Variants in TMTC1 observed in about 807,000 individuals in gnomAD.
TMTC1 encodes the protein protein O-mannosyl-transferase TMTC1.
Under a neutral mutation model 104.8 loss-of-function variants are expected in TMTC1, and 73 were observed. That is an observed-to-expected ratio of 0.70 (90% CI 0.58 to 0.85). TMTC1 has a LOEUF of 0.85. Ranked by LOEUF, TMTC1 falls within the 40% of genes least tolerant of loss-of-function variation. TMTC1 has a pLI of 0.00. For missense variants in TMTC1, 1,035 were observed against 1,096.1 expected (o/e 0.94, Z 0.79); for synonymous variants, 434 against 428.7 (o/e 1.01, Z -0.15).
chr12:29,642,400 G>C (rs1938892968), intron 5 of TMTC1, among the ~76,000 whole-genome samples: 1 of 152,130 alleles, frequency 6.6e-6, no homozygotes. Flanking sequence ...TTTCTCAGCA[G>C]AAACCCTACA....
chr12:29,687,791 T>C (rs1941141929), intron 5 of TMTC1, among the ~76,000 whole-genome samples: 1 of 152,240 alleles, frequency 6.6e-6, no homozygotes, highest in Non-Finnish European at 1.5e-5. Context: ...ACCTCCTCGC[T>C]GTGTCCTCCC....
chr12:29,577,485 C>A (rs1945856396), intron 8 of TMTC1, among the ~76,000 whole-genome samples: 1 of 152,150 alleles, frequency 6.6e-6, no homozygotes. Flanking sequence ...CTCCTTATGG[C>A]CTAATGAGAA....
chr12:29,670,167 T>C (rs1269589927), intron 5 of TMTC1, among the ~76,000 whole-genome samples: 1 of 152,250 alleles, frequency 6.6e-6, no homozygotes, highest in African/African-American at 2.4e-5. Context: ...AATAGTACTA[T>C]AATGATATTT....
intron 1 of TMTC1, among the ~76,000 whole-genome samples, chr12:29,777,496 A>G (rs1331269691): frequency 6.6e-6 from 1 of 152,192 alleles, no homozygotes; most frequent in African/African-American, 2.4e-5. Flanking sequence ...TGGTAATAAT[A>G]GACTGCTTCG....
rs770290990 is a variant in TMTC1 at position 29,516,335 on chromosome 12, A to T, written c.2307+14T>A. 4 of 1,610,768 alleles carry T rather than the reference A, an allele frequency of 2.5e-6. No individual in the cohort carries two copies. In the South Asian group the frequency reaches 4.4e-5, roughly 18 times the overall value. ...CTATGAATCCAAAGAACTCTAAACAATGTCCTTCTTTACCTTGTCGTGGTT... is the reference window on the plus strand; with the variant it reads ...CTATGAATCCAAAGAACTCTAAACATTGTCCTTCTTTACCTTGTCGTGGTT... On this transcript the variant is annotated intron_variant, in intron 15 of 17. Transcript: ENST00000539277.
chr12:29,608,121 A>T (rs1293454074), intron 6 of TMTC1, among the ~76,000 whole-genome samples: 1 of 152,228 alleles, frequency 6.6e-6, no homozygotes, highest in East Asian at 1.9e-4. Context: ...ATATTCAAGA[A>T]CAACATACTT....
rs879602127 is a variant in TMTC1 at position 29,725,011 on chromosome 12, G to GTTTTTTTTTTTTTTTT, written c.938+26654_938+26655insAAAAAAAAAAAAAAAA. On this transcript the variant is annotated intron_variant, in intron 5 of 17. Coordinates refer to ENST00000539277, the MANE Select transcript of TMTC1 (RefSeq NM_001193451.2). ...CGTAGTTTAGCTATATATCTGCCAAGTTCTTTTTTTTTTTTTTTTTTTTTT... is the reference window on the plus strand; with the variant it reads ...CGTAGTTTAGCTATATATCTGCCAAGTTTTTTTTTTTTTTTTTTCTTTTTTTTTTTTTTTTTTTTTT... Among the ~76,000 whole-genome samples the GTTTTTTTTTTTTTTTT allele has an allele frequency of 2.2e-4, 25 of 115,752 alleles. 5 individuals are homozygous for GTTTTTTTTTTTTTTTT. Among genetic ancestry groups the GTTTTTTTTTTTTTTTT allele is most frequent in the African/African-American group, 4.0e-4 (13 of 32,318 alleles). 75.9% of individuals were successfully genotyped at this position (115,752 alleles called of 152,430 possible). A position where few individuals can be genotyped will look rare whatever the true frequency, so the allele number is the denominator to read the frequency against.
At chr12:29,510,921 C>T (rs754082433) in intron 17 of TMTC1, among the ~76,000 whole-genome samples, 3 of 152,142 alleles carry the variant, frequency 2.0e-5, no homozygotes, top group Non-Finnish European at 4.4e-5. Flanking sequence ...CTAGCTTCTC[C>T]CATTTCCTTT....
intron 1 of TMTC1, among the ~76,000 whole-genome samples, chr12:29,768,458 G>A (rs147241997): frequency 6.6e-6 from 1 of 152,286 alleles, no homozygotes; most frequent in Non-Finnish European, 1.5e-5. Context: ...AGTCCAAAGG[G>A]CCATGGGTCA....
chr12:29,655,123 C>T (rs977234624), intron 5 of TMTC1, among the ~76,000 whole-genome samples: 2 of 152,086 alleles, frequency 1.3e-5, no homozygotes, highest in African/African-American at 2.4e-5. Context: ...CCTCGTGATC[C>T]GCCTGCCTCG....
In TMTC1 at chr12:29,572,232, AT is replaced by A. The variant is rs373704687; in HGVS notation, c.1419-15del. On this transcript the variant is annotated splice_polypyrimidine_tract_variant and intron_variant, in intron 8 of 17. Transcript: ENST00000539277. ...TGAACTCCAGACCTAAAATGAATAAATTTTTAAAAAGAATTATTTGACAAAG... is the reference window on the plus strand; with the variant it reads ...TGAACTCCAGACCTAAAATGAATAAATTTTAAAAAGAATTATTTGACAAAG... The A allele has an allele frequency of 6.8e-5, 107 of 1,575,282 alleles. No homozygotes were observed. In the East Asian group the frequency reaches 2.1e-3, roughly 30 times the overall value.
chr12:29,639,300 A>G (rs10771558), intron 5 of TMTC1, among the ~76,000 whole-genome samples: 97,211 of 152,028 alleles, frequency 0.64, 31,975 homozygotes, highest in East Asian at 0.8. Context: ...GACATCCTAG[A>G]ATCTCCACAG....
At chr12:29,510,728 A>G (rs182405371) in intron 17 of TMTC1, among the ~76,000 whole-genome samples, 1 of 152,304 alleles carries the variant, frequency 6.6e-6, no homozygotes, top group Admixed American at 6.5e-5. Context: ...CTACACTGCT[A>G]TTTTATCAGT....
intron 5 of TMTC1, among the ~76,000 whole-genome samples, chr12:29,716,593 AT>A (rs941908345): frequency 1.4e-4 from 21 of 152,144 alleles, no homozygotes; most frequent in Admixed American, 2.0e-4. Context: ...TTATTTATAG[AT>A]TTTTTTATTG....
chr12:29,604,380 C>T (rs1946643298), intron 6 of TMTC1, 81 bp from the exon 7 acceptor site: 1 of 1,575,510 alleles, frequency 6.3e-7, no homozygotes, highest in Admixed American at 1.7e-5. Flanking sequence ...CCTTCACTTT[C>T]AGGTTCTCAA....
chr12:29,648,879 T>G (rs902713009), intron 5 of TMTC1, among the ~76,000 whole-genome samples: 8 of 152,148 alleles, frequency 5.3e-5, no homozygotes, highest in Admixed American at 3.9e-4. Flanking sequence ...TTACTAAGTC[T>G]TCTAAATGCG....
intron 5 of TMTC1, among the ~76,000 whole-genome samples, chr12:29,741,895 A>T (rs1942836598): frequency 6.6e-6 from 1 of 152,186 alleles, no homozygotes; most frequent in Non-Finnish European, 1.5e-5. Context: ...AACAAATTAC[A>T]TTGGGGATAA....
intron 1 of TMTC1, among the ~76,000 whole-genome samples, chr12:29,772,352 G>A (rs60625330): frequency 0.12 from 18,397 of 152,104 alleles, 1,317 homozygotes; most frequent in African/African-American, 0.21. Flanking sequence ...TTATCATTAT[G>A]CACACAATTT....
At chr12:29,667,937 C>T (rs1037144270) in intron 5 of TMTC1, among the ~76,000 whole-genome samples, 4 of 152,136 alleles carry the variant, frequency 2.6e-5, no homozygotes, top group East Asian at 1.9e-4. Flanking sequence ...GCAAATGAGG[C>T]GGAGGAGGTA....
Sources: allele counts gnomAD v4.1 joint callset (sites outside exome capture counted in the v4.1 genomes callset), GRCh38; gene constraint gnomAD v4.1.1; transcripts MANE v1.5; gene names NCBI Gene and HGNC (gene_info 2026-07-23, HGNC 2026-07-21).